RRM2: variants seen among roughly 807,000 people sequenced by gnomAD.
The protein encoded by RRM2 is ribonucleotide reductase regulatory subunit M2.
In RRM2, 6 loss-of-function variants were observed where a neutral mutation model predicts 45.9. That is an observed-to-expected ratio of 0.13 (90% CI 0.07 to 0.26). The LOEUF (loss-of-function observed/expected upper bound fraction) is 0.26, where lower values mean the gene tolerates loss of function less well. Among genes scored for constraint, RRM2 ranks in the 10% least tolerant of loss-of-function variants. RRM2 has a pLI of 1.00. For synonymous variants in RRM2, 177 were observed against 173.0 expected (o/e 1.02, Z -0.18); for missense variants, 343 against 489.5 (o/e 0.70, Z 2.82).
At chr2:10,199,288 A>AGGG (rs1553329241) in intron 3 of RRM2, 98 of 112,470 alleles carry the variant, frequency 8.7e-4, no homozygotes, top group African/African-American at 2.9e-3. Flanking sequence ...GAAAAAAAAA[A>AGGG]GGGGGGGGGG....
chr2:10,129,018 A>C lies in RRM2; in HGVS notation c.904-23A>C, dbSNP rs747585709. The C allele has an allele frequency of 2.5e-6, 4 of 1,611,794 alleles. No individual in the cohort carries two copies. Among genetic ancestry groups the C allele is most frequent in the Non-Finnish European group, 3.4e-6 (4 of 1,178,000 alleles). On this transcript the variant is annotated intron_variant, in intron 8 of 9. Transcript: ENST00000304567. The surrounding 1 kb of genome is among the most constrained non-coding windows in gnomAD (Gnocchi z 4.8). Reference sequence around the variant, plus strand: ...AAATGCCTGTGCTTTAGTTGTATTCAGAAGCTGTATTTTGGTTCCTAGGAG... The same window carrying C: ...AAATGCCTGTGCTTTAGTTGTATTCCGAAGCTGTATTTTGGTTCCTAGGAG...
intron 3 of RRM2, among the ~76,000 whole-genome samples, chr2:10,187,940 T>C (rs1664202168): frequency 6.6e-6 from 1 of 152,174 alleles, no homozygotes; most frequent in Non-Finnish European, 1.5e-5. Context: ...GTGGGGACTC[T>C]AGAAATGCAA....
intron 3 of RRM2, among the ~76,000 whole-genome samples, chr2:10,208,682 A>T (rs536869484): frequency 6.6e-6 from 1 of 152,280 alleles, no homozygotes; most frequent in Non-Finnish European, 1.5e-5. Flanking sequence ...TAAGGATTTC[A>T]TGGGCTTATT....
chr2:10,170,415 C>T (rs890080154), intron 3 of RRM2, among the ~76,000 whole-genome samples: 8 of 151,966 alleles, frequency 5.3e-5, no homozygotes, highest in South Asian at 2.1e-4. Flanking sequence ...GTCCCTGGCT[C>T]GTGGGCGCTG....
In RRM2 at chr2:10,122,975, C is replaced by T; in HGVS notation, c.100-8C>T. ...AGCCGCTCCTCACTCACACGCGTCT[C>T]CCCGCAGCCGCCGGCCCTGAGCGGG... On this transcript the variant is annotated splice_region_variant and splice_polypyrimidine_tract_variant and intron_variant, in intron 1 of 9. Coordinates refer to ENST00000304567, the MANE Select transcript of RRM2 (RefSeq NM_001034.4). 1 of 1,550,056 alleles carries T rather than the reference C, an allele frequency of 6.5e-7. No individual in the cohort carries two copies. The highest frequency in any genetic ancestry group is 8.7e-7 in the Non-Finnish European group (1 of 1,152,788).
intron 3 of RRM2, among the ~76,000 whole-genome samples, chr2:10,150,851 T>C (rs1370286686): frequency 1.3e-5 from 2 of 151,562 alleles, no homozygotes; most frequent in East Asian, 3.9e-4. Context: ...TTTGCTCTTG[T>C]TGCCTAGGCT....
chr2:10,198,753 C>G (rs1353981248), intron 3 of RRM2: 2 of 152,188 alleles, frequency 1.3e-5, no homozygotes, highest in African/African-American at 2.4e-5. Context: ...CAGGAGCACT[C>G]TCTCTTACAG....
downstream of RRM2, among the ~76,000 whole-genome samples, chr2:10,134,996 T>C (rs1662966280): frequency 2.6e-5 from 4 of 152,196 alleles, no homozygotes; most frequent in African/African-American, 7.2e-5. Context: ...AGAACAATCA[T>C]TAAACGAATG....
intron 3 of RRM2, among the ~76,000 whole-genome samples, chr2:10,187,477 G>A (rs530598055): frequency 1.4e-4 from 22 of 152,310 alleles, no homozygotes; most frequent in Middle Eastern, 3.4e-3. Flanking sequence ...CTTTTTCTGC[G>A]TCTCCCCGCA....
chr2:10,207,699 C>T (rs540204364), intron 3 of RRM2, among the ~76,000 whole-genome samples: 1 of 152,226 alleles, frequency 6.6e-6, no homozygotes, highest in Middle Eastern at 3.4e-3. Context: ...GCACTTCCTC[C>T]AGGAAGCCTG....
upstream of RRM2, among the ~76,000 whole-genome samples, chr2:10,140,344 C>G (rs762947161): frequency 8.5e-5 from 13 of 152,214 alleles, no homozygotes; most frequent in Admixed American, 3.3e-4. Context: ...TTCGTTGGGG[C>G]GCAGCCACAC....
intron 3 of RRM2, among the ~76,000 whole-genome samples, chr2:10,177,616 A>G (rs1300353443): frequency 2.0e-5 from 3 of 151,906 alleles, no homozygotes; most frequent in Non-Finnish European, 1.5e-5. Context: ...TGGGTCCACC[A>G]CCACAGTTCC....
intron 3 of RRM2, among the ~76,000 whole-genome samples, chr2:10,168,392 A>G (rs1663725981): frequency 6.6e-6 from 1 of 151,918 alleles, no homozygotes; most frequent in Admixed American, 6.6e-5. Flanking sequence ...CTTCCCCTCC[A>G]CCCCAGAAAG....
intron 3 of RRM2, chr2:10,156,359 T>C (rs13424629): frequency 0.15 from 23,335 of 152,232 alleles, 2,500 homozygotes; most frequent in East Asian, 0.46. Context: ...ATCAGAGATA[T>C]GTACAGTCTT....
chr2:10,199,779 C>CAA (rs796262395), intron 3 of RRM2, among the ~76,000 whole-genome samples: 8 of 14,276 alleles, frequency 5.6e-4, no homozygotes, highest in Admixed American at 1.0e-3. Context: ...GACTCAGTCT[C>CAA]AAAAAAAAAA....
At chr2:10,202,359 T>A (rs1055032520) in intron 3 of RRM2, among the ~76,000 whole-genome samples, 20 of 152,228 alleles carry the variant, frequency 1.3e-4, no homozygotes, top group Non-Finnish European at 1.2e-4. Context: ...TTCCTTGGAA[T>A]GTTCTGGGTT....
chr2:10,123,558 G>A, intron 3 of RRM2, 28 bp downstream of exon 3: 2 of 1,590,822 alleles, frequency 1.3e-6, no homozygotes, highest in Non-Finnish European at 1.7e-6. Flanking sequence ...GAAGACCCCT[G>A]CAGGGGTGAC....
chr2:10,138,457 G>A (rs1277656775), upstream of RRM2, among the ~76,000 whole-genome samples: 1 of 151,966 alleles, frequency 6.6e-6, no homozygotes, highest in African/African-American at 2.4e-5. Context: ...ATTAGCCACT[G>A]TGCCTGGCCA....
chr2:10,198,796 G>A (rs1664470832), intron 3 of RRM2: 1 of 152,182 alleles, frequency 6.6e-6, no homozygotes, highest in South Asian at 2.1e-4. Flanking sequence ...GGGAGGGAGA[G>A]CTTATCGCAG....
Sources: gnomAD v4.1 joint callset for allele counts (sites outside exome capture counted in the v4.1 genomes callset) on GRCh38, gnomAD v4.1.1 for gene constraint, Gnocchi (gnomAD v3.1) non-coding constraint, MANE v1.5 for transcripts, NCBI Gene and HGNC (gene_info 2026-07-23, HGNC 2026-07-21) for gene names.